ERAP1: variants seen among roughly 807,000 people sequenced by gnomAD.
ERAP1 encodes endoplasmic reticulum aminopeptidase 1, also known as adipocyte-derived leucine aminopeptidase.
ERAP1 carries 86 observed loss-of-function variants against 103.7 expected under a neutral mutation model. The observed-to-expected ratio is 0.83, with a 90% CI of 0.70 to 0.99. The LOEUF (loss-of-function observed/expected upper bound fraction) is 0.99, where lower values mean the gene tolerates loss of function less well. Among genes scored for constraint, ERAP1 ranks in the 50% least tolerant of loss-of-function variants. ERAP1 has a pLI of 0.00. For synonymous variants in ERAP1, 398 were observed against 402.4 expected (o/e 0.99, Z 0.13); for missense variants, 1,009 against 1,128.4 (o/e 0.89, Z 1.52).
At chr5:96,881,085 G>A in the ERAP1 span, 1 of 233,952 alleles carries the variant, frequency 4.3e-6, no homozygotes, top group African/African-American at 2.3e-5. Flanking sequence ...GCTGAGGAGA[G>A]CGAACAAGAG....
chr5:96,810,010 G>A (rs1581661920), upstream of ERAP1, among the ~76,000 whole-genome samples: 1 of 152,220 alleles, frequency 6.6e-6, no homozygotes, highest in South Asian at 2.1e-4. Flanking sequence ...ACAGGGCAAT[G>A]CCCTGAATGG....
At chr5:96,909,690 C>T in the ERAP1 span, 4 of 1,614,064 alleles carry the variant, frequency 2.5e-6, no homozygotes, top group African/African-American at 5.3e-5. Context: ...TGGCCTGTGA[C>T]CTGAACCATG....
the ERAP1 span, among the ~76,000 whole-genome samples, chr5:96,884,296 T>C: frequency 6.6e-6 from 1 of 152,164 alleles, no homozygotes; most frequent in Admixed American, 6.6e-5. Flanking sequence ...CTGAGAATCT[T>C]GCTAAAACTC....
the ERAP1 span, among the ~76,000 whole-genome samples, chr5:96,926,742 T>C: frequency 6.6e-6 from 1 of 152,240 alleles, no homozygotes; most frequent in African/African-American, 2.4e-5. Flanking sequence ...CATCAGTTGA[T>C]GGACGTTTGT....
At chr5:96,914,148 T>TCTCTCACACACACACA in the ERAP1 span, among the ~76,000 whole-genome samples, 31 of 148,080 alleles carry the variant, frequency 2.1e-4, no homozygotes, top group Admixed American at 3.4e-4. Flanking sequence ...TCTCTCTCTC[T>TCTCTCACACACACACA]CACACACACA....
chr5:96,909,788 C>T, the ERAP1 span: 1 of 1,604,788 alleles, frequency 6.2e-7, no homozygotes, highest in East Asian at 2.2e-5. Context: ...TCTGTCCTAC[C>T]CTTTGTTCTT....
the ERAP1 span, among the ~76,000 whole-genome samples, chr5:96,921,425 ACTTAGAAAG>A: frequency 9.2e-3 from 1,395 of 152,372 alleles, 23 homozygotes; most frequent in African/African-American, 0.032. Context: ...TCTGCATTAT[ACTTAGAAAG>A]CTGGCAGTAT....
chr5:96,771,813 A>C (rs1397918467), downstream of ERAP1: 3 of 641,522 alleles, frequency 4.7e-6, no homozygotes, highest in Non-Finnish European at 8.3e-6. Flanking sequence ...CTCACTTTAC[A>C]GTATTGGCAT....
the ERAP1 span, among the ~76,000 whole-genome samples, chr5:96,843,890 C>G: frequency 0.67 from 102,476 of 152,102 alleles, 35,036 homozygotes; most frequent in Non-Finnish European, 0.73. Flanking sequence ...TTGCAAATCA[C>G]AAAATCTTTG....
the ERAP1 span, chr5:96,915,561 C>A: frequency 2.3e-6 from 1 of 442,934 alleles, no homozygotes; most frequent in Non-Finnish European, 3.9e-6. Flanking sequence ...TGGTAATTCA[C>A]CGTATCTATT....
At chr5:96,862,447 C>T in the ERAP1 span, among the ~76,000 whole-genome samples, 3 of 152,162 alleles carry the variant, frequency 2.0e-5, no homozygotes, top group Non-Finnish European at 4.4e-5. Flanking sequence ...GGCTGCCAAC[C>T]TTGTGAAGAT....
intron 6 of ERAP1, 44 bp downstream of exon 6, chr5:96,793,759 T>C: frequency 6.5e-7 from 1 of 1,537,452 alleles, no homozygotes; most frequent in Non-Finnish European, 8.9e-7. Flanking sequence ...AGAAGCAATA[T>C]AAATGTAGTT....
the ERAP1 span, chr5:96,918,748 T>C: frequency 2.6e-5 from 4 of 152,250 alleles, no homozygotes; most frequent in Non-Finnish European, 4.4e-5. Context: ...ATTGCATTTT[T>C]AATAAATCTT....
At chr5:96,818,947 A>G in the ERAP1 span, among the ~76,000 whole-genome samples, 1 of 132,884 alleles carries the variant, frequency 7.5e-6, no homozygotes, top group South Asian at 2.3e-4. Context: ...TATTTTTGAG[A>G]CGGCGTCTCG....
At chr5:96,860,213 C>T in the ERAP1 span, among the ~76,000 whole-genome samples, 1 of 152,046 alleles carries the variant, frequency 6.6e-6, no homozygotes, top group African/African-American at 2.4e-5. Flanking sequence ...GCCACTACGC[C>T]TGGCTAATTT....
chr5:96,877,654 G>A, the ERAP1 span, among the ~76,000 whole-genome samples: 2 of 152,174 alleles, frequency 1.3e-5, no homozygotes, highest in Admixed American at 1.3e-4. Context: ...TGATCACGTA[G>A]GTGAGGTTGG....
At chr5:96,872,319 G>T in the ERAP1 span, among the ~76,000 whole-genome samples, 2 of 138,944 alleles carry the variant, frequency 1.4e-5, no homozygotes, top group Admixed American at 1.5e-4. Flanking sequence ...CTGGGTGACC[G>T]AATGAGACCC....
chr5:96,873,345 C>G, the ERAP1 span: 1 of 456,210 alleles, frequency 2.2e-6, no homozygotes, highest in African/African-American at 2.0e-5. Flanking sequence ...GAGGTGGAAT[C>G]CTGGTGCGTG....
At chr5:96,869,772 T>C in the ERAP1 span, among the ~76,000 whole-genome samples, 1 of 152,118 alleles carries the variant, frequency 6.6e-6, no homozygotes, top group Admixed American at 6.5e-5. Flanking sequence ...CTATCCACAT[T>C]GAAATGGTTC....
Sources: allele counts gnomAD v4.1 joint callset (sites outside exome capture counted in the v4.1 genomes callset), GRCh38; gene constraint gnomAD v4.1.1; transcripts MANE v1.5; gene names NCBI Gene and HGNC (gene_info 2026-07-23, HGNC 2026-07-21).